Variants in DNER observed in about 807,000 individuals in gnomAD.
DNER encodes the protein delta and Notch-like epidermal growth factor-related receptor.
In DNER, 33 loss-of-function variants were observed where a neutral mutation model predicts 78.2. The ratio of observed to expected loss-of-function variants is 0.42; its 90% confidence interval spans 0.32 to 0.56. DNER has a LOEUF of 0.56. DNER is among the 20% of genes least tolerant of loss of function. DNER has a pLI of 0.11. For missense variants in DNER, 918 were observed against 975.3 expected (o/e 0.94, Z 0.78); for synonymous variants, 417 against 384.8 (o/e 1.08, Z -0.98).
At chr2:229,483,121 C>T (rs776749782) in intron 6 of DNER, among the ~76,000 whole-genome samples, 2 of 152,036 alleles carry the variant, frequency 1.3e-5, no homozygotes, top group Non-Finnish European at 2.9e-5. Flanking sequence ...GGAGAGGTGG[C>T]CTATGTGTGC....
At chr2:229,634,419 C>T (rs1011808754) in intron 1 of DNER, among the ~76,000 whole-genome samples, 1 of 152,040 alleles carries the variant, frequency 6.6e-6, no homozygotes, top group Non-Finnish European at 1.5e-5. Flanking sequence ...TCTCACTTAA[C>T]AAATTTGAGG....
Position 229,613,464 on chromosome 2 carries a change from G to A in DNER, c.277-21576C>T, listed in dbSNP as rs541602321. Among the ~76,000 whole-genome samples the A allele has an allele frequency of 9.9e-5, 15 of 152,250 alleles. No homozygotes were observed. The East Asian group carries it at 1.4e-3, about 14-fold the overall frequency. On this transcript the variant is annotated intron_variant, in intron 1 of 12. Transcript: ENST00000341772. Reference sequence around the variant, plus strand: ...CATATAACTGAGCAGTGCTATGAGCGTTGAAAATAGGATTTCCAAAACTAA... The same window carrying A: ...CATATAACTGAGCAGTGCTATGAGCATTGAAAATAGGATTTCCAAAACTAA...
chr2:229,605,092 C>T (rs372498446), intron 1 of DNER, among the ~76,000 whole-genome samples: 1 of 151,686 alleles, frequency 6.6e-6, no homozygotes, highest in Non-Finnish European at 1.5e-5. Flanking sequence ...AGAGGACCTT[C>T]GTAGTTATGA....
intron 1 of DNER, among the ~76,000 whole-genome samples, chr2:229,610,346 A>C (rs990313514): frequency 3.9e-5 from 6 of 152,154 alleles, no homozygotes; most frequent in Admixed American, 1.3e-4. Flanking sequence ...GGTTTCCTGG[A>C]AAGTAGTAAG....
At chr2:229,569,331 G>C (rs921275740) in intron 4 of DNER, among the ~76,000 whole-genome samples, 1 of 152,082 alleles carries the variant, frequency 6.6e-6, no homozygotes, top group Non-Finnish European at 1.5e-5. Context: ...AGACTATCCC[G>C]GCCAACATGG....
intron 1 of DNER, among the ~76,000 whole-genome samples, chr2:229,676,506 C>T (rs1699303186): frequency 6.6e-6 from 1 of 152,172 alleles, no homozygotes; most frequent in South Asian, 2.1e-4. Flanking sequence ...GATCCTAAGA[C>T]TTTTCTTAGA....
chr2:229,590,033 T>C (rs1697572832), intron 2 of DNER, among the ~76,000 whole-genome samples: 1 of 82,076 alleles, frequency 1.2e-5, no homozygotes, highest in Non-Finnish European at 2.4e-5. Flanking sequence ...ATACATGCTA[T>C]GCAAAAATCT....
chr2:229,484,344 T>C (rs913362841), intron 6 of DNER, among the ~76,000 whole-genome samples: 1 of 152,184 alleles, frequency 6.6e-6, no homozygotes, highest in African/African-American at 2.4e-5. Flanking sequence ...GGTCTGTACA[T>C]CTAACTTGGG....
rs1042784713 is a variant in DNER, at chr2:229,615,186, CG to C, written c.277-23299del. On this transcript the variant is annotated intron_variant, in intron 1 of 12. Transcript: ENST00000341772. ...CAGCACTTTGGGAGGCCGAGGCAGG[CG>C]GATCGCCTGAGGTCAGGAGTTTGAG... 1.7e-3 allele frequency among the ~76,000 whole-genome samples: 246 copies of C among 147,614 alleles called. 1 individual carries two copies. The highest frequency in any genetic ancestry group is 4.4e-4 in the South Asian group (2 of 4,550).
At chr2:229,572,354 T>C (rs568743276) in intron 4 of DNER, among the ~76,000 whole-genome samples, 22 of 152,326 alleles carry the variant, frequency 1.4e-4, no homozygotes, top group Non-Finnish European at 2.9e-4. Flanking sequence ...GATCTTCCGA[T>C]TAATCTCTTG....
chr2:229,476,034 G>A (rs1695028339), intron 7 of DNER, among the ~76,000 whole-genome samples: 1 of 152,174 alleles, frequency 6.6e-6, no homozygotes, highest in South Asian at 2.1e-4. Context: ...GTTTAAGGGA[G>A]CTGAGCCTAA....
At chr2:229,603,809 T>C (rs79404864) in intron 1 of DNER, among the ~76,000 whole-genome samples, 4,647 of 152,294 alleles carry the variant, frequency 0.031, 214 homozygotes, top group African/African-American at 0.096. Flanking sequence ...TTTGCAATTT[T>C]GGAAAATTGT....
At chr2:229,614,602 A>G (rs1250316850) in intron 1 of DNER, among the ~76,000 whole-genome samples, 1 of 152,120 alleles carries the variant, frequency 6.6e-6, no homozygotes, top group Non-Finnish European at 1.5e-5. Context: ...TGCCCCAAAG[A>G]CTTTCTTGCA....
intron 8 of DNER, among the ~76,000 whole-genome samples, chr2:229,446,109 T>C (rs1047264360): frequency 6.6e-6 from 1 of 152,200 alleles, no homozygotes; most frequent in African/African-American, 2.4e-5. Context: ...ATTCTGGGTG[T>C]GTAGCCACAG....
At chr2:229,674,498 C>T (rs939494983) in intron 1 of DNER, among the ~76,000 whole-genome samples, 24 of 152,094 alleles carry the variant, frequency 1.6e-4, no homozygotes, top group African/African-American at 5.6e-4. Context: ...AGGCTGGCCT[C>T]GAACTCCTGA....
intron 4 of DNER, among the ~76,000 whole-genome samples, chr2:229,568,289 A>G (rs558966819): frequency 2.0e-4 from 31 of 152,270 alleles, no homozygotes; most frequent in African/African-American, 7.0e-4. Flanking sequence ...GGGCTTAAGC[A>G]ATCTTCCCAC....
chr2:229,497,143 G>T (rs1235788628), intron 6 of DNER, among the ~76,000 whole-genome samples: 1 of 152,114 alleles, frequency 6.6e-6, no homozygotes, highest in East Asian at 1.9e-4. Context: ...CTGATAACAG[G>T]AAGCATTTTA....
chr2:229,668,420 A>ATATATATATATATATATATACACT (rs1699133620), intron 1 of DNER, among the ~76,000 whole-genome samples: 1 of 1,370 alleles, frequency 7.3e-4, no homozygotes. Context: ...ATATTCTTTT[A>ATATATATATATATATATATACACT]TATATATATA....
At chr2:229,626,574 C>G (rs182196791) in intron 1 of DNER, among the ~76,000 whole-genome samples, 1 of 152,300 alleles carries the variant, frequency 6.6e-6, no homozygotes, top group African/African-American at 2.4e-5. Flanking sequence ...AGGGCTGGAA[C>G]ATGCTGAAAC....
Sources: gnomAD v4.1 joint callset for allele counts (sites outside exome capture counted in the v4.1 genomes callset) on GRCh38, gnomAD v4.1.1 for gene constraint, MANE v1.5 for transcripts, NCBI Gene and HGNC (gene_info 2026-07-23, HGNC 2026-07-21) for gene names.